Variants in TCF12 observed in about 807,000 individuals in gnomAD.
The protein encoded by TCF12 is DNA-binding protein HTF4.
A neutral mutation model predicts 86.0 loss-of-function variants in TCF12; 45 were observed. The observed-to-expected ratio is 0.52, with a 90% CI of 0.41 to 0.67. TCF12 has a LOEUF of 0.67. TCF12 is among the 30% of genes least tolerant of loss of function. The probability of loss-of-function intolerance (pLI) is 0.00; values close to 1 mark genes in which losing one functional copy is unlikely to be tolerated. For synonymous variants in TCF12, 330 were observed against 299.6 expected (o/e 1.10, Z -1.05); for missense variants, 881 against 859.9 (o/e 1.02, Z -0.31).
chr15:57,016,717 C>T (rs780172717), intron 3 of TCF12, among the ~76,000 whole-genome samples: 1 of 151,902 alleles, frequency 6.6e-6, no homozygotes, highest in Non-Finnish European at 1.5e-5. Context: ...CCATGTTTTA[C>T]AAGCAGAAGC....
rs1301537355 is a variant in TCF12 at position 56,919,897 on chromosome 15, G to C, written c.-17G>C. 6.8e-6 allele frequency: 11 copies of C among 1,613,798 alleles called. No individual in the cohort carries two copies. The highest frequency in any genetic ancestry group is 2.7e-5 in the African/African-American group (2 of 74,896). ...GCCCGTTTCCTCTGCCCTAGGACCT[G>C]CTAGAAGTGGCCGAAGATGAATCCC... is the stretch of plus-strand genomic sequence containing the variant. On this transcript the variant is annotated 5_prime_UTR_variant, in exon 2 of 21. Coordinates refer to ENST00000333725, the MANE Select transcript of TCF12 (RefSeq NM_207037.2).
chr15:57,077,813 T>G (rs1175044689), intron 4 of TCF12, among the ~76,000 whole-genome samples: 1 of 152,068 alleles, frequency 6.6e-6, no homozygotes, highest in Non-Finnish European at 1.5e-5. Context: ...CTTGAAAGAA[T>G]TAGTTGAGAA....
intron 3 of TCF12, among the ~76,000 whole-genome samples, chr15:57,034,286 T>C (rs2066373348): frequency 6.6e-6 from 1 of 152,192 alleles, no homozygotes; most frequent in African/African-American, 2.4e-5. Context: ...GGTTCTTGCT[T>C]TTCTTGTTGA....
chr15:57,172,839 G>A (rs562053854), intron 6 of TCF12, among the ~76,000 whole-genome samples: 1 of 152,174 alleles, frequency 6.6e-6, no homozygotes, highest in East Asian at 1.9e-4. Flanking sequence ...GGTGACTCAT[G>A]CCTGTAACCC....
chr15:56,967,322 A>C (rs757406566), intron 3 of TCF12, among the ~76,000 whole-genome samples: 2 of 151,818 alleles, frequency 1.3e-5, no homozygotes, highest in Admixed American at 1.3e-4. Flanking sequence ...AAAAACGCTG[A>C]AGTTGGGATT....
At chr15:56,974,668 G>GT (rs2140800339) in intron 3 of TCF12, among the ~76,000 whole-genome samples, 1 of 152,120 alleles carries the variant, frequency 6.6e-6, no homozygotes, top group African/African-American at 2.4e-5. Flanking sequence ...ATACTAGTTT[G>GT]TAAGTTTTTA....
Position 57,273,188 on chromosome 15 carries a change from A to C in TCF12, c.1904A>C (p.Glu635Ala). The C allele has an allele frequency of 6.2e-7, 1 of 1,614,212 alleles. No homozygotes were observed. The highest frequency in any genetic ancestry group is 8.5e-7 in the Non-Finnish European group (1 of 1,180,032). The change falls in exon 19 of 21, where the codon GAA becomes GCA. Residue 635 changes from glutamate to alanine, a missense_variant. Around this residue, in one of 3 missense-constraint regions of TCF12, gnomAD observed 46 missense variants for 76.7 expected, o/e 0.60. Transcript: ENST00000333725. The stretch of plus-strand genomic sequence containing the variant: ...ATGTGTCAGCTTCACTTGAAGAGTG[A>C]AAAACCCCAAACAAAACTCCTTATT... ...GRMCQLHLKSEKPQTKLLILH... is the reference protein window; with the variant it reads ...GRMCQLHLKSAKPQTKLLILH...
At chr15:57,019,063 A>G (rs1293214546) in intron 3 of TCF12, among the ~76,000 whole-genome samples, 4 of 152,204 alleles carry the variant, frequency 2.6e-5, no homozygotes, top group African/African-American at 7.2e-5. Flanking sequence ...GCTGTTAAGA[A>G]TGAGAGGAGT....
chr15:57,171,193 A>G (rs1286143993), intron 6 of TCF12, among the ~76,000 whole-genome samples: 2 of 152,216 alleles, frequency 1.3e-5, no homozygotes, highest in East Asian at 1.9e-4. Flanking sequence ...ATATTGCTAT[A>G]TACAAGATTT....
intron 3 of TCF12, among the ~76,000 whole-genome samples, chr15:56,946,344 C>T (rs1250347017): frequency 1.3e-5 from 2 of 152,210 alleles, no homozygotes; most frequent in East Asian, 1.9e-4. Context: ...TTCAGGCTAC[C>T]GATCTTTTCT....
chr15:57,157,691 T>G (rs2054211244), intron 5 of TCF12, among the ~76,000 whole-genome samples: 1 of 151,708 alleles, frequency 6.6e-6, no homozygotes, highest in South Asian at 2.1e-4. Context: ...GCCTCCCGAG[T>G]AGCTGGGACC....
intron 3 of TCF12, among the ~76,000 whole-genome samples, chr15:57,047,862 G>A (rs1344066111): frequency 6.6e-6 from 1 of 152,184 alleles, no homozygotes; most frequent in East Asian, 1.9e-4. Context: ...AACTTAGATG[G>A]TATAGCTTAC....
intron 18 of TCF12, among the ~76,000 whole-genome samples, chr15:57,266,859 A>G (rs766304262): frequency 2.6e-5 from 4 of 152,114 alleles, no homozygotes; most frequent in Non-Finnish European, 5.9e-5. Context: ...CTACATAGCT[A>G]GATTCTGTCT....
At chr15:57,009,574 A>G (rs2064695393) in intron 3 of TCF12, among the ~76,000 whole-genome samples, 1 of 152,188 alleles carries the variant, frequency 6.6e-6, no homozygotes, top group Non-Finnish European at 1.5e-5. Context: ...GAAAGCATTT[A>G]TTGAATATTC....
chr15:56,984,249 G>GGTGTGTGTGTGTGTGTGTGTGT (rs56221122), intron 3 of TCF12, among the ~76,000 whole-genome samples: 6 of 123,074 alleles, frequency 4.9e-5, no homozygotes, highest in Non-Finnish European at 1.0e-4. Flanking sequence ...GCATGTGCAT[G>GGTGTGTGTGTGTGTGTGTGTGT]GTGTGTGTGT....
chr15:57,177,436 A>G (rs2056004010), intron 6 of TCF12, among the ~76,000 whole-genome samples: 1 of 151,398 alleles, frequency 6.6e-6, no homozygotes, highest in Non-Finnish European at 1.5e-5. Flanking sequence ...CACCCAGATA[A>G]CTTTTTGTAT....
chr15:57,244,264 C>T (rs188367732), intron 13 of TCF12, among the ~76,000 whole-genome samples: 1 of 152,260 alleles, frequency 6.6e-6, no homozygotes, highest in East Asian at 1.9e-4. Flanking sequence ...CCTTGTTCTC[C>T]ACACTTGTCA....
At chr15:57,035,708 A>G (rs1381108826) in intron 3 of TCF12, among the ~76,000 whole-genome samples, 1 of 152,172 alleles carries the variant, frequency 6.6e-6, no homozygotes, top group African/African-American at 2.4e-5. Context: ...AAAAAACACC[A>G]AAAGCCTGGC....
At chr15:56,986,640 A>C (rs781243667) in intron 3 of TCF12, among the ~76,000 whole-genome samples, 7 of 152,202 alleles carry the variant, frequency 4.6e-5, no homozygotes, top group Non-Finnish European at 8.8e-5. Flanking sequence ...AGTTTTAAAA[A>C]GAGGCTGTTC....
Sources: gnomAD v4.1 joint callset for allele counts (sites outside exome capture counted in the v4.1 genomes callset) on GRCh38, gnomAD v4.1.1 for gene constraint, gnomAD v4.1.1 regional missense constraint, MANE v1.5 for transcripts, NCBI Gene and HGNC (gene_info 2026-07-23, HGNC 2026-07-21) for gene names.